The following EDC3 variants were observed in gnomAD, a reference collection of about 807,000 sequenced individuals.
EDC3 encodes the protein enhancer of mRNA decapping 3.
In EDC3, 20 loss-of-function variants were observed where a neutral mutation model predicts 41.8. The observed-to-expected ratio is 0.48, with a 90% confidence interval of 0.34 to 0.70. The LOEUF (loss-of-function observed/expected upper bound fraction) is 0.70. EDC3 is among the 30% of genes least tolerant of loss of function. The pLI, the probability that EDC3 is intolerant of heterozygous loss-of-function variation, is 0.01. For synonymous variants in EDC3, 206 were observed against 243.2 expected, an observed-to-expected ratio of 0.85 and a Z score of 1.42; for missense variants, 444 against 636.8, an observed-to-expected ratio of 0.70 and a Z score of 3.26.
intron 4 of EDC3, among the ~76,000 whole-genome samples, chr15:74,652,862 G>A (rs1355331841): frequency 2.0e-5 from 3 of 152,088 alleles, no homozygotes. Context: ...TTACAGGCAT[G>A]AGTCACTGCA....
At chr15:74,684,357 A>G (rs201854925) in intron 1 of EDC3, among the ~76,000 whole-genome samples, 1 of 151,246 alleles carries the variant, frequency 6.6e-6, no homozygotes, top group East Asian at 1.9e-4. Context: ...TTTTTGTAAG[A>G]CAGGGTTTTG....
chr15:74,645,051 T>C (rs2062397068), intron 4 of EDC3: 1 of 152,046 alleles, frequency 6.6e-6, no homozygotes, highest in African/African-American at 2.4e-5. Context: ...AAACAAACAA[T>C]ACATCAAAAC....
At chr15:74,659,834 C>G (rs1485205911) in intron 3 of EDC3, among the ~76,000 whole-genome samples, 1 of 152,090 alleles carries the variant, frequency 6.6e-6, no homozygotes. Flanking sequence ...ATCATGAGGT[C>G]AGGAGATCGA....
chr15:74,676,477 TAAAG>T (rs146117561), intron 1 of EDC3, among the ~76,000 whole-genome samples: 2,569 of 151,990 alleles, frequency 0.017, 75 homozygotes, highest in African/African-American at 0.059. Context: ...AAACACCTAA[TAAAG>T]AAAAAAGATA....
chr15:74,683,882 G>A (rs2062903458), intron 1 of EDC3, among the ~76,000 whole-genome samples: 1 of 151,924 alleles, frequency 6.6e-6, no homozygotes, highest in Non-Finnish European at 1.5e-5. Flanking sequence ...AACAATTACA[G>A]CTAACATGAT....
chr15:74,649,207 G>A (rs1392354547), intron 4 of EDC3, among the ~76,000 whole-genome samples: 1 of 151,922 alleles, frequency 6.6e-6, no homozygotes, highest in East Asian at 1.9e-4. Flanking sequence ...TGGGACTACA[G>A]GCACCTGCCA....
chr15:74,692,978 G>A (rs1374477733), intron 1 of EDC3: 1 of 152,128 alleles, frequency 6.6e-6, no homozygotes, highest in East Asian at 1.9e-4. Flanking sequence ...TTCTCAAGAA[G>A]AAATGTTTTA....
chr15:74,646,676 G>T (rs966678173), intron 4 of EDC3, among the ~76,000 whole-genome samples: 2 of 152,200 alleles, frequency 1.3e-5, no homozygotes, highest in Admixed American at 6.5e-5. Flanking sequence ...CCAGAGGGTG[G>T]TATGAAGGCT....
rs556849496 is a variant in EDC3 at position 74,632,972 on chromosome 15, A to T, written c.1193-26T>A. On this transcript the variant is annotated intron_variant, in intron 6 of 6. Transcript: ENST00000315127. The surrounding 1 kb of genome is among the most constrained non-coding windows in gnomAD (Gnocchi z 4.0). ...CTGCAGGTGGAAAGAGTGCCATCTGAAAGTCCCTATGAGCAGAGAGCAGCC... is the reference window on the plus strand; with the variant it reads ...CTGCAGGTGGAAAGAGTGCCATCTGTAAGTCCCTATGAGCAGAGAGCAGCC... 1 of 1,608,752 alleles carries T rather than the reference A, an allele frequency of 6.2e-7. No homozygotes were observed. The highest frequency in any genetic ancestry group is 8.5e-7 in the Non-Finnish European group (1 of 1,176,434).
At chr15:74,657,618 A>C (rs911090117) in intron 3 of EDC3, among the ~76,000 whole-genome samples, 1 of 152,224 alleles carries the variant, frequency 6.6e-6, no homozygotes, top group African/African-American at 2.4e-5. Flanking sequence ...ATACCCCCAG[A>C]GTAAAAGAAG....
At chr15:74,665,441 G>C (rs562634533) in intron 3 of EDC3, among the ~76,000 whole-genome samples, 15 of 152,246 alleles carry the variant, frequency 9.9e-5, no homozygotes, top group Admixed American at 7.8e-4. Flanking sequence ...TTTCAGAGAG[G>C]GATGCCTTTC....
At chr15:74,684,084 G>GTTTTTTTTTTTTTT (rs58548595) in intron 1 of EDC3, among the ~76,000 whole-genome samples, 29 of 103,034 alleles carry the variant, frequency 2.8e-4, no homozygotes, top group Non-Finnish European at 3.4e-4. Flanking sequence ...TTTTGTTTCT[G>GTTTTTTTTTTTTTT]TTTTTTTTTT....
intron 1 of EDC3, among the ~76,000 whole-genome samples, chr15:74,678,532 C>T (rs1305662187): frequency 2.6e-5 from 4 of 152,120 alleles, no homozygotes; most frequent in South Asian, 2.1e-4. Context: ...CAGCTTTACT[C>T]GTTAATTTTA....
intron 3 of EDC3, among the ~76,000 whole-genome samples, chr15:74,668,771 T>TA (rs1203261918): frequency 1.2e-5 from 1 of 84,780 alleles, no homozygotes; most frequent in African/African-American, 7.1e-5. Context: ...AGAAAAAGGT[T>TA]AAAGTCTAAA....
intron 1 of EDC3, 124 bp downstream of exon 1, chr15:74,695,756 C>T (rs914295243): frequency 3.3e-5 from 5 of 153,262 alleles, no homozygotes; most frequent in African/African-American, 1.2e-4. Flanking sequence ...ATGAAGCCCC[C>T]AGCTCTTGCC....
Position 74,654,516 on chromosome 15 carries a change from G to A in EDC3, c.820+1217C>T, listed in dbSNP as rs188957024. Among the ~76,000 whole-genome samples, 313 of 152,320 alleles carry A rather than the reference G, an allele frequency of 2.1e-3. 1 individual carries two copies. Among genetic ancestry groups the A allele is most frequent in the Admixed American group, 5.0e-3 (77 of 15,298 alleles). On this transcript the variant is annotated intron_variant, in intron 4 of 6. Transcript: ENST00000315127. ...CAATTTAAATTAAACCCGATTCTGAGCTAGGCTGTTTGCCTTTACACAGGT... is the reference window on the plus strand; with the variant it reads ...CAATTTAAATTAAACCCGATTCTGAACTAGGCTGTTTGCCTTTACACAGGT...
At chr15:74,694,724 G>GGT (rs10546854) in intron 1 of EDC3, among the ~76,000 whole-genome samples, 42 of 151,314 alleles carry the variant, frequency 2.8e-4, no homozygotes, top group East Asian at 2.1e-3. Flanking sequence ...ACTTTTCATT[G>GGT]GTGTGTGTGT....
intron 4 of EDC3, 91 bp downstream of exon 4, chr15:74,655,642 G>A: frequency 7.8e-7 from 1 of 1,287,688 alleles, no homozygotes; most frequent in Non-Finnish European, 1.1e-6. Flanking sequence ...TTCCTAGTGT[G>A]AGATTCTGAC....
intron 3 of EDC3, among the ~76,000 whole-genome samples, chr15:74,669,283 C>T (rs973357140): frequency 2.0e-5 from 3 of 148,512 alleles, no homozygotes; most frequent in African/African-American, 7.5e-5. Flanking sequence ...GCGGAAGTTG[C>T]GGTGAGCCAA....
Sources: allele counts gnomAD v4.1 joint callset (sites outside exome capture counted in the v4.1 genomes callset), GRCh38; gene constraint gnomAD v4.1.1; non-coding constraint Gnocchi (gnomAD v3.1); transcripts MANE v1.5; gene names NCBI Gene and HGNC (gene_info 2026-07-23, HGNC 2026-07-21).